PTMA: variants seen among roughly 807,000 people sequenced by gnomAD.
PTMA encodes gene sequence 28.
A neutral mutation model predicts 16.9 loss-of-function variants in PTMA; 4 were observed. The ratio of observed to expected loss-of-function variants is 0.24; its 90% confidence interval spans 0.12 to 0.54. PTMA has a LOEUF of 0.54. Among genes scored for constraint, PTMA ranks in the 20% least tolerant of loss-of-function variants. The pLI is 0.95. For missense variants in PTMA, 120 were observed against 137.7 expected, an observed-to-expected ratio of 0.87 and a Z score of 0.64; for synonymous variants, 58 against 47.9, an observed-to-expected ratio of 1.21 and a Z score of -0.87.
At position 231,712,786 on chromosome 2, in the gene PTMA, C is replaced by T. The variant is rs1386275246; in HGVS notation, c.286-18C>T. ...CTCCTGGGGTTGGAGGGGCCTTTGA[C>T]AGTCTTTCTCTGCTTAGGATGACGA... On this transcript the variant is annotated intron_variant, in intron 4 of 4. Coordinates refer to ENST00000409115, the MANE Select transcript of PTMA (RefSeq NM_002823.5). 6 of 1,590,340 alleles carry T rather than the reference C, an allele frequency of 3.8e-6. No individual in the cohort carries two copies. Among genetic ancestry groups the T allele is most frequent in the Admixed American group, 1.8e-5 (1 of 55,882 alleles).
chr2:231,709,874 C>T (rs901729651), intron 1 of PTMA: 27 of 289,196 alleles, frequency 9.3e-5, no homozygotes, highest in South Asian at 1.6e-4. Flanking sequence ...GTCTCCTTAA[C>T]CCTTGTGTCC....
At chr2:231,712,013 C>G in intron 3 of PTMA, 30 bp downstream of exon 3, 1 of 1,552,606 alleles carries the variant, frequency 6.4e-7, no homozygotes, top group Non-Finnish European at 8.7e-7. Flanking sequence ...TTCCCCTTTT[C>G]AGGTACTTTT....
chr2:231,711,213 A>T, intron 1 of PTMA, 135 bp from the exon 2 acceptor site: 1 of 703,074 alleles, frequency 1.4e-6, no homozygotes, highest in Non-Finnish European at 2.5e-6. Context: ...CAGGGGCATC[A>T]GGCCTTTCTC....
chr2:231,710,375 C>G, intron 1 of PTMA: 1 of 1,191,158 alleles, frequency 8.4e-7, no homozygotes, highest in Non-Finnish European at 1.0e-6. Context: ...GCGCGCAAAG[C>G]CCGCCGGGCG....
At chr2:231,710,476 T>G in intron 1 of PTMA, 1 of 1,063,746 alleles carries the variant, frequency 9.4e-7, no homozygotes, top group Non-Finnish European at 1.2e-6. Flanking sequence ...GGAGCCGGGG[T>G]CCGCGGAGCG....
intron 1 of PTMA, among the ~76,000 whole-genome samples, chr2:231,708,983 G>A (rs1353060912): frequency 6.6e-6 from 1 of 152,212 alleles, no homozygotes; most frequent in Admixed American, 6.5e-5. Flanking sequence ...GGGCGCCCTC[G>A]GGGGCCGAGG....
chr2:231,710,636 C>T (rs1054227410), intron 1 of PTMA: 8 of 456,978 alleles, frequency 1.8e-5, no homozygotes, highest in Non-Finnish European at 3.1e-5. Context: ...CGCCCGGGGC[C>T]GCGCTGCCTT....
At chr2:231,711,535 A>G in intron 2 of PTMA, 116 bp downstream of exon 2, 10 of 974,042 alleles carry the variant, frequency 1.0e-5, no homozygotes, top group Non-Finnish European at 1.3e-5. Context: ...AGCTTTGCAC[A>G]GTGGCAGTAT....
chr2:231,708,623 G>C lies in PTMA; in HGVS notation c.-84G>C, dbSNP rs2048471080. On this transcript the variant is annotated 5_prime_UTR_variant, in exon 1 of 5. Transcript: ENST00000409115. Reference sequence around the variant, plus strand: ...CGCCGCGCGCCTCCTCCGCCGCCGCGGACTCCGGCAGCTTTATCGCCAGAG... The same window carrying C: ...CGCCGCGCGCCTCCTCCGCCGCCGCCGACTCCGGCAGCTTTATCGCCAGAG... 2 of 1,565,178 alleles carry C rather than the reference G, an allele frequency of 1.3e-6. No homozygotes were observed. The highest frequency in any genetic ancestry group is 1.7e-6 in the Non-Finnish European group (2 of 1,152,034).
At chr2:231,711,534 C>T (rs2048518745) in intron 2 of PTMA, 115 bp downstream of exon 2, 1 of 977,424 alleles carries the variant, frequency 1.0e-6, no homozygotes, top group Middle Eastern at 2.1e-4. Flanking sequence ...TAGCTTTGCA[C>T]AGTGGCAGTA....
chr2:231,712,614 T>G, intron 4 of PTMA, 98 bp downstream of exon 4: 2 of 1,410,600 alleles, frequency 1.4e-6, no homozygotes. Flanking sequence ...GTTTCTGACT[T>G]TGTAGGTGGC....
At chr2:231,711,179 A>AC in intron 1 of PTMA, 169 bp from the exon 2 acceptor site, 1 of 590,606 alleles carries the variant, frequency 1.7e-6, no homozygotes, top group South Asian at 2.2e-5. Context: ...CCTTCCTTCC[A>AC]CCAGACCAGT....
At chr2:231,710,412 C>G (rs1319260532) in intron 1 of PTMA, 6 of 1,147,186 alleles carry the variant, frequency 5.2e-6, no homozygotes, top group Non-Finnish European at 6.5e-6. Flanking sequence ...GCGCCGCGAC[C>G]TCCCTGCCCC....
intron 1 of PTMA, chr2:231,709,998 T>C (rs2048495404): frequency 9.3e-7 from 1 of 1,073,918 alleles, no homozygotes; most frequent in Non-Finnish European, 1.2e-6. Context: ...GGGAATGAGT[T>C]TGTGGGGTGA....
chr2:231,708,685 CG>C lies in PTMA; in HGVS notation c.-20del, dbSNP rs1183233181. On this transcript the variant is annotated 5_prime_UTR_variant, in exon 1 of 5. Transcript: ENST00000409115. ...TCGCTTTCTTTTTAATCCCCTGCAT[CG>C]GATCACCGGCGTGCCCCACCATGTC... is the stretch of plus-strand genomic sequence containing the variant. 6.2e-7 allele frequency: 1 copy of C among 1,601,524 alleles called. No individual in the cohort carries two copies. Among genetic ancestry groups the C allele is most frequent in the Non-Finnish European group, 8.5e-7 (1 of 1,179,532 alleles).
chr2:231,711,277 C>T (rs1467739201), intron 1 of PTMA, 71 bp from the exon 2 acceptor site: 10 of 1,306,364 alleles, frequency 7.7e-6, no homozygotes, highest in South Asian at 2.4e-5. Flanking sequence ...ACCAGTAGTT[C>T]TCAGCGCCTT....
chr2:231,712,008 C>G (rs760922760), intron 3 of PTMA, 25 bp downstream of exon 3: 1 of 1,553,744 alleles, frequency 6.4e-7, no homozygotes, highest in South Asian at 1.2e-5. Flanking sequence ...CTATCTTCCC[C>G]TTTTCAGGTA....
At chr2:231,712,276 T>C (rs989724661) in intron 3 of PTMA, among the ~76,000 whole-genome samples, 167 bp from the exon 4 acceptor site, 1 of 152,176 alleles carries the variant, frequency 6.6e-6, no homozygotes, top group Non-Finnish European at 1.5e-5. Flanking sequence ...GCCTCTCTCC[T>C]CTGGAGAGTC....
At position 231,711,974 on chromosome 2, in the gene PTMA, G is replaced by A; in HGVS notation, c.202G>A (p.Glu68Lys). 1 of 1,573,092 alleles carries A rather than the reference G, an allele frequency of 6.4e-7. No homozygotes were observed. The highest frequency in any genetic ancestry group is 8.6e-7 in the Non-Finnish European group (1 of 1,158,696). ...EGGEEEEEEE[E>K]GDGEEEDGDE... ...TGGGGAGGAAGAGGAGGAGGAAGAAGAAGGTGATGGTGAGTAGCCTTGTCT... is the reference window on the plus strand; with the variant it reads ...TGGGGAGGAAGAGGAGGAGGAAGAAAAAGGTGATGGTGAGTAGCCTTGTCT... Residue 68 changes from glutamate (E) to lysine (K), a missense_variant, in exon 3 of 5, where the codon GAA (glutamate) becomes AAA (lysine). By Grantham distance (56) the Glu-to-Lys change is moderately conservative. Transcript: ENST00000409115.
Sources: allele counts gnomAD v4.1 joint callset (sites outside exome capture counted in the v4.1 genomes callset), GRCh38; gene constraint gnomAD v4.1.1; transcripts MANE v1.5; gene names NCBI Gene and HGNC (gene_info 2026-07-23, HGNC 2026-07-21).